CNTN5: variants seen among roughly 807,000 people sequenced by gnomAD.
The protein encoded by CNTN5 is contactin 5, also known as contactin-5.
Under a neutral mutation model 129.1 loss-of-function variants are expected in CNTN5, and 77 were observed. The ratio of observed to expected loss-of-function variants is 0.60; its 90% CI spans 0.50 to 0.72. The LOEUF (loss-of-function observed/expected upper bound fraction) is 0.72. Among genes scored for constraint, CNTN5 ranks in the 30% least tolerant of loss-of-function variants. The pLI, the probability that CNTN5 is intolerant of heterozygous loss-of-function variation, is 0.00. For synonymous variants in CNTN5, 509 were observed against 465.6 expected (o/e 1.09, Z -1.20); for missense variants, 1,478 against 1,328.8 (o/e 1.11, Z -1.75).
At chr11:99,144,830 G>A (rs915525787) in intron 1 of CNTN5, among the ~76,000 whole-genome samples, 13 of 150,198 alleles carry the variant, frequency 8.7e-5, no homozygotes, top group Middle Eastern at 6.9e-3. Context: ...TCTTTTTATC[G>A]CCTGTCTGTA....
chr11:99,715,808 A>G (rs577608407), intron 3 of CNTN5, among the ~76,000 whole-genome samples: 1 of 152,076 alleles, frequency 6.6e-6, no homozygotes, highest in Admixed American at 6.6e-5. Flanking sequence ...TTCATGAATT[A>G]TTCCTTTCCC....
At chr11:99,379,158 C>T (rs1940366719) in intron 2 of CNTN5, among the ~76,000 whole-genome samples, 1 of 137,750 alleles carries the variant, frequency 7.3e-6, no homozygotes, top group African/African-American at 2.7e-5. Context: ...AGTTACTTTC[C>T]TAAGAGGAGA....
intron 3 of CNTN5, among the ~76,000 whole-genome samples, chr11:99,731,252 C>T (rs1286331895): frequency 1.3e-4 from 19 of 150,728 alleles, no homozygotes; most frequent in African/African-American, 4.2e-4. Flanking sequence ...GGACTACAGG[C>T]GCCCGCCACC....
intron 20 of CNTN5, 65 bp downstream of exon 20, chr11:100,299,461 C>A: frequency 2.1e-6 from 2 of 937,260 alleles, no homozygotes; most frequent in Non-Finnish European, 3.1e-6. Flanking sequence ...TAATCAGACA[C>A]CTTTGTACAC....
chr11:99,313,234 A>G (rs1865192973), intron 1 of CNTN5, among the ~76,000 whole-genome samples: 5 of 152,044 alleles, frequency 3.3e-5, no homozygotes, highest in Admixed American at 3.3e-4. Context: ...AAATAACTTC[A>G]CAGATGTACG....
chr11:99,641,409 ATCC>A (rs34718230), intron 3 of CNTN5, among the ~76,000 whole-genome samples: 91,041 of 151,620 alleles, frequency 0.6, 28,163 homozygotes, highest in Admixed American at 0.69. Context: ...ATTGGTTCCA[ATCC>A]TCCTCCCGGC....
chr11:100,309,331 AT>A (rs1324368665), intron 21 of CNTN5: 1 of 983,494 alleles, frequency 1.0e-6, no homozygotes, highest in Non-Finnish European at 1.2e-6. Flanking sequence ...GCTGAAACAT[AT>A]TTTTAATTCT....
chr11:99,699,887 A>G (rs145117813), intron 3 of CNTN5, among the ~76,000 whole-genome samples: 8 of 151,572 alleles, frequency 5.3e-5, no homozygotes, highest in Admixed American at 1.3e-4. Context: ...GCATTTCACA[A>G]TTACTTGATT....
At chr11:99,267,107 G>T (rs1862936384) in intron 1 of CNTN5, among the ~76,000 whole-genome samples, 1 of 152,004 alleles carries the variant, frequency 6.6e-6, no homozygotes. Flanking sequence ...ACATGGAGAA[G>T]AATGAAGATG....
At chr11:99,119,062 C>T (rs1858179964) in intron 1 of CNTN5, among the ~76,000 whole-genome samples, 1 of 151,946 alleles carries the variant, frequency 6.6e-6, no homozygotes, top group African/African-American at 2.4e-5. Context: ...TGAAAATTTT[C>T]TAGATTAAAT....
intron 13 of CNTN5, among the ~76,000 whole-genome samples, chr11:100,165,610 C>CCTAT (rs1228955259): frequency 6.6e-6 from 1 of 151,646 alleles, no homozygotes; most frequent in Non-Finnish European, 1.5e-5. Flanking sequence ...TAGTGAATTC[C>CCTAT]CTATCTCTGA....
At chr11:99,217,988 T>G (rs1860213314) in intron 1 of CNTN5, among the ~76,000 whole-genome samples, 1 of 152,188 alleles carries the variant, frequency 6.6e-6, no homozygotes, top group Non-Finnish European at 1.5e-5. Context: ...TACTCCCTAT[T>G]TCTTTGCTTC....
intron 6 of CNTN5, among the ~76,000 whole-genome samples, chr11:99,871,300 A>T (rs2135812662): frequency 6.6e-6 from 1 of 152,174 alleles, no homozygotes; most frequent in East Asian, 1.9e-4. Context: ...GAGCTCTACA[A>T]TTTTTTAATG....
intron 4 of CNTN5, among the ~76,000 whole-genome samples, chr11:99,841,812 G>GTGTA (rs1947505042): frequency 7.4e-6 from 1 of 134,572 alleles, no homozygotes; most frequent in African/African-American, 2.7e-5. Flanking sequence ...TGGTGTGTGT[G>GTGTA]TATATATGTG....
At chr11:99,426,064 A>G (rs751940251) in intron 2 of CNTN5, among the ~76,000 whole-genome samples, 1 of 152,260 alleles carries the variant, frequency 6.6e-6, no homozygotes, top group Non-Finnish European at 1.5e-5. Context: ...AACACATATT[A>G]ATAGCATATT....
intron 21 of CNTN5, chr11:100,337,390 G>A (rs778543899): frequency 5.1e-6 from 4 of 778,066 alleles, no homozygotes; most frequent in African/African-American, 3.4e-5. Flanking sequence ...AGCAGAGAGA[G>A]CACCTATCAG....
At chr11:99,243,256 TG>T (rs1861651364) in intron 1 of CNTN5, among the ~76,000 whole-genome samples, 1 of 152,176 alleles carries the variant, frequency 6.6e-6, no homozygotes. Context: ...TTCTTATATT[TG>T]TTGATCACTT....
At chr11:99,053,898 A>G (rs936900065) in intron 1 of CNTN5, among the ~76,000 whole-genome samples, 2 of 151,950 alleles carry the variant, frequency 1.3e-5, no homozygotes, top group Non-Finnish European at 2.9e-5. Flanking sequence ...AAACTTCCTC[A>G]TTCCCTCCAA....
At chr11:99,404,039 T>A (rs528305058) in intron 2 of CNTN5, among the ~76,000 whole-genome samples, 1 of 152,110 alleles carries the variant, frequency 6.6e-6, no homozygotes, top group Admixed American at 6.6e-5. Context: ...GGTGCTCTAG[T>A]ATCGGGTGCA....
Sources: gnomAD v4.1 joint callset for allele counts (sites outside exome capture counted in the v4.1 genomes callset) on GRCh38, gnomAD v4.1.1 for gene constraint, MANE v1.5 for transcripts, NCBI Gene and HGNC (gene_info 2026-07-23, HGNC 2026-07-21) for gene names.